SYT6: variants seen among roughly 807,000 people sequenced by gnomAD.
The protein encoded by SYT6 is synaptotagmin-6.
SYT6 carries 24 observed loss-of-function variants against 38.4 expected under a neutral mutation model. That is an observed-to-expected ratio of 0.62 (90% CI 0.45 to 0.88). The LOEUF is 0.88. Among genes scored for constraint, SYT6 ranks in the 40% least tolerant of loss-of-function variants. The pLI is 0.00. For missense variants in SYT6, 611 were observed against 621.0 expected (o/e 0.98, Z 0.17); for synonymous variants, 265 against 241.9 (o/e 1.10, Z -0.89).
At chr1:114,122,941 C>T (rs1677508387) in intron 3 of SYT6, among the ~76,000 whole-genome samples, 2 of 152,216 alleles carry the variant, frequency 1.3e-5, no homozygotes, top group Admixed American at 6.5e-5. Flanking sequence ...CCGGGCCCTG[C>T]CCGCCCAGCA....
intron 1 of SYT6, among the ~76,000 whole-genome samples, chr1:114,153,290 G>A (rs1413738882): frequency 1.3e-5 from 2 of 152,222 alleles, no homozygotes; most frequent in Admixed American, 6.5e-5. Context: ...ATCGCCCGCA[G>A]AGCGAGCTTG....
intron 3 of SYT6, among the ~76,000 whole-genome samples, chr1:114,118,180 C>A (rs1274965314): frequency 6.6e-6 from 1 of 152,208 alleles, no homozygotes; most frequent in Admixed American, 6.5e-5. Context: ...TTGCTATAAA[C>A]CAGGCCCCAG....
intron 1 of SYT6, among the ~76,000 whole-genome samples, chr1:114,150,570 T>C (rs12723272): frequency 0.19 from 29,434 of 152,158 alleles, 3,094 homozygotes; most frequent in African/African-American, 0.22. Context: ...CCTGTCAGGT[T>C]TCTGCATTTG....
chr1:114,119,145 A>G (rs916850089), intron 3 of SYT6, among the ~76,000 whole-genome samples: 1 of 152,198 alleles, frequency 6.6e-6, no homozygotes, highest in African/African-American at 2.4e-5. Context: ...TCACTGTGAG[A>G]ACTCAAGGGT....
intron 3 of SYT6, among the ~76,000 whole-genome samples, chr1:114,122,343 G>A (rs570402238): frequency 5.3e-5 from 8 of 152,284 alleles, no homozygotes; most frequent in East Asian, 1.9e-4. Flanking sequence ...ATTTCTTAGC[G>A]GAACCAAAAA....
intron 1 of SYT6, among the ~76,000 whole-genome samples, chr1:114,147,844 G>A (rs1310451668): frequency 6.6e-6 from 1 of 152,228 alleles, no homozygotes; most frequent in Non-Finnish European, 1.5e-5. Context: ...GGTACACAGT[G>A]AATGTCCCCA....
intron 3 of SYT6, among the ~76,000 whole-genome samples, chr1:114,124,621 G>A (rs1049814214): frequency 4.6e-5 from 7 of 152,152 alleles, no homozygotes; most frequent in Non-Finnish European, 7.3e-5. Flanking sequence ...AGCTAGACCC[G>A]TGTTCCATGA....
intron 3 of SYT6, among the ~76,000 whole-genome samples, chr1:114,117,659 T>C (rs547717195): frequency 7.8e-4 from 119 of 152,300 alleles, no homozygotes; most frequent in Non-Finnish European, 1.4e-3. Context: ...ATCAGTAGGA[T>C]TGGGGAGGGC....
At position 114,097,830 on chromosome 1, in the gene SYT6, G is replaced by A. The variant is rs1186597433; in HGVS notation, c.1412C>T (p.Ala471Val). ...IIGVCRVGIT[A>V]EGLGRDHWNE... ...CCAGTGGTCCCTGCCCAGGCCTTCA[G>A]CAGTGATCCCCACACGACAGACTCC... is the stretch of plus-strand genomic sequence containing the variant. Residue 471 changes from alanine (A) to valine (V), a missense_variant, in exon 6 of 8, where the codon GCT becomes GTT. Coordinates refer to ENST00000610222, the MANE Select transcript of SYT6 (RefSeq NM_001253772.2). 1.2e-6 allele frequency: 2 copies of A among 1,614,108 alleles called. No homozygotes were observed. The highest frequency in any genetic ancestry group is 1.7e-6 in the Non-Finnish European group (2 of 1,180,024).
chr1:114,111,887 G>A (rs1200149139), intron 3 of SYT6, among the ~76,000 whole-genome samples: 1 of 152,136 alleles, frequency 6.6e-6, no homozygotes, highest in Admixed American at 6.5e-5. Context: ...GTGCCGAGAG[G>A]GGGCCCCTGC....
At position 114,089,964 on chromosome 1, in the gene SYT6, C is replaced by T. The variant is rs1255455000; in HGVS notation, c.*2170G>A. On this transcript the variant is annotated 3_prime_UTR_variant, in exon 8 of 8. Transcript: ENST00000610222. Reference sequence around the variant, plus strand: ...TTGTGATTCACATTGATCACACTCCCTTCTCCAAGAGGTTAGAATGGGTTA... The same window carrying T: ...TTGTGATTCACATTGATCACACTCCTTTCTCCAAGAGGTTAGAATGGGTTA... 1.3e-5 allele frequency: 2 copies of T among 152,324 alleles called. No individual in the cohort carries two copies. The highest frequency in any genetic ancestry group is 4.8e-5 in the African/African-American group (2 of 41,444). 9.4% of individuals were successfully genotyped at this position (152,324 alleles called of 1,614,324 possible).
chr1:114,097,565 T>C (rs1675706189), intron 6 of SYT6, among the ~76,000 whole-genome samples, 162 bp downstream of exon 6: 1 of 152,216 alleles, frequency 6.6e-6, no homozygotes, highest in African/African-American at 2.4e-5. Context: ...CTCCACCTTC[T>C]TCCTCCATTT....
intron 1 of SYT6, among the ~76,000 whole-genome samples, chr1:114,146,070 C>G (rs562614043): frequency 6.6e-6 from 1 of 152,248 alleles, no homozygotes; most frequent in Admixed American, 6.5e-5. Context: ...GAGGCCCGTC[C>G]TATGCCTGAA....
At chr1:114,120,019 C>G (rs1056865196) in intron 3 of SYT6, among the ~76,000 whole-genome samples, 1 of 148,678 alleles carries the variant, frequency 6.7e-6, no homozygotes, top group South Asian at 2.1e-4. Flanking sequence ...TGCAGTGAGC[C>G]GAGATCGCAC....
At chr1:114,096,344 G>T (rs912001993) in intron 6 of SYT6, among the ~76,000 whole-genome samples, 2 of 152,188 alleles carry the variant, frequency 1.3e-5, no homozygotes, top group African/African-American at 2.4e-5. Flanking sequence ...ACAGCTATGG[G>T]ACAATCAAGG....
intron 3 of SYT6, among the ~76,000 whole-genome samples, chr1:114,133,640 G>C (rs185612132): frequency 6.6e-6 from 1 of 152,292 alleles, no homozygotes; most frequent in East Asian, 1.9e-4. Context: ...GCTTCCCAGG[G>C]CTGGAATGGG....
chr1:114,120,173 G>A (rs1677305131), intron 3 of SYT6, among the ~76,000 whole-genome samples: 1 of 151,986 alleles, frequency 6.6e-6, no homozygotes, highest in Non-Finnish European at 1.5e-5. Context: ...TTGAAAAACC[G>A]AAGGCATAGA....
intron 3 of SYT6, among the ~76,000 whole-genome samples, chr1:114,126,150 G>C (rs559111550): frequency 1.3e-5 from 2 of 152,146 alleles, no homozygotes; most frequent in Admixed American, 6.5e-5. Flanking sequence ...GCCCAGATTT[G>C]CATTGACTCC....
intron 3 of SYT6, among the ~76,000 whole-genome samples, chr1:114,131,211 C>T (rs1002637483): frequency 5.3e-5 from 8 of 152,124 alleles, no homozygotes; most frequent in Non-Finnish European, 1.2e-4. Flanking sequence ...TATTCCCAGC[C>T]TGGTGCCTGG....
Sources: gnomAD v4.1 joint callset for allele counts (sites outside exome capture counted in the v4.1 genomes callset) on GRCh38, gnomAD v4.1.1 for gene constraint, MANE v1.5 for transcripts, NCBI Gene and HGNC (gene_info 2026-07-23, HGNC 2026-07-21) for gene names.